MYOM1: variants seen among roughly 807,000 people sequenced by gnomAD.
MYOM1 encodes the protein myomesin-1.
A neutral mutation model predicts 205.3 loss-of-function variants in MYOM1; 164 were observed. That is an observed-to-expected ratio of 0.80 (90% CI 0.70 to 0.91). The LOEUF (loss-of-function observed/expected upper bound fraction) is 0.91. Ranked by LOEUF, MYOM1 falls within the 40% of genes least tolerant of loss-of-function variation. The pLI, the probability that MYOM1 is intolerant of heterozygous loss-of-function variation, is 0.00. For missense variants in MYOM1, 2,011 were observed against 2,127.3 expected (o/e 0.95, Z 1.08); for synonymous variants, 772 against 789.4 (o/e 0.98, Z 0.37).
chr18:3,187,726 A>G, intron 4 of MYOM1, 89 bp from the exon 5 acceptor site: 3 of 1,284,300 alleles, frequency 2.3e-6, no homozygotes, highest in African/African-American at 1.5e-5. Flanking sequence ...GTAGAAGGCA[A>G]AAGTTTTATT....
At chr18:3,132,304 C>A (rs2079890109) in intron 16 of MYOM1, among the ~76,000 whole-genome samples, 1 of 151,798 alleles carries the variant, frequency 6.6e-6, no homozygotes, top group South Asian at 2.1e-4. Context: ...GCACCCACCA[C>A]CACGCCTGGC....
At chr18:3,073,127 A>G (rs1167749467) in intron 36 of MYOM1, among the ~76,000 whole-genome samples, 1 of 152,058 alleles carries the variant, frequency 6.6e-6, no homozygotes, top group Admixed American at 6.6e-5. Context: ...GCTTTCCTTG[A>G]AGCCTTCTCT....
intron 29 of MYOM1, among the ~76,000 whole-genome samples, chr18:3,088,219 A>AG (rs1189905118): frequency 6.6e-6 from 1 of 152,126 alleles, no homozygotes; most frequent in Non-Finnish European, 1.5e-5. Flanking sequence ...GCAGAAGGCG[A>AG]GGGATGTGTG....
chr18:3,149,344 A>C, intron 12 of MYOM1, 143 bp from the exon 13 acceptor site: 1 of 636,502 alleles, frequency 1.6e-6, no homozygotes, highest in Admixed American at 2.8e-5. Context: ...GAATGGTATC[A>C]ATCATGTAGA....
intron 3 of MYOM1, among the ~76,000 whole-genome samples, chr18:3,190,029 ACTAAG>A (rs948989487): frequency 1.3e-5 from 2 of 152,206 alleles, no homozygotes; most frequent in Admixed American, 1.3e-4. Flanking sequence ...TATACTATAT[ACTAAG>A]AAATTATCAA....
rs906851130 is a variant in MYOM1, at chr18:3,189,692, G to A, written c.432-605C>T. On this transcript the variant is annotated intron_variant, in intron 3 of 37. Transcript: ENST00000356443. The surrounding 1 kb of genome is among the most constrained non-coding windows in gnomAD (Gnocchi z 4.8). ...ATTATTATTTCTGTTTTAAATATAT[G>A]GTAACGAAGTTCAGATAAGTTAGAT... 1.3e-5 allele frequency among the ~76,000 whole-genome samples: 2 copies of A among 152,126 alleles called. No individual in the cohort carries two copies. Among genetic ancestry groups the A allele is most frequent in the African/African-American group, 2.4e-5 (1 of 41,412 alleles).
chr18:3,214,897 C>T, intron 2 of MYOM1, 37 bp downstream of exon 2: 3 of 1,539,070 alleles, frequency 1.9e-6, no homozygotes, highest in Admixed American at 2.0e-5. Flanking sequence ...ACGCCTCTTC[C>T]TGAGGTTGGA....
intron 22 of MYOM1, among the ~76,000 whole-genome samples, chr18:3,107,847 A>G (rs536289473): frequency 1.9e-4 from 29 of 152,334 alleles, no homozygotes; most frequent in African/African-American, 6.3e-4. Flanking sequence ...AGCAAGAATG[A>G]TAATAGTCCT....
At position 3,135,462 on chromosome 18, in the gene MYOM1, A is replaced by G. The variant is rs2079942545; in HGVS notation, c.2209+85T>C. On this transcript the variant is annotated intron_variant, in intron 15 of 37. Transcript: ENST00000356443. This position sits in a 1 kb window ranked among gnomAD's most constrained non-coding sequence, Gnocchi z 4.1. ...TATAATATGAAAGAAGGATGTCACC[A>G]TTTTTACTCCTGGCCAAATATACAT... 2 of 1,263,562 alleles carry G rather than the reference A, an allele frequency of 1.6e-6. No individual in the cohort carries two copies. The highest frequency in any genetic ancestry group is 1.5e-5 in the African/African-American group (1 of 66,606). 78.3% of individuals were successfully genotyped at this position (1,263,562 alleles called of 1,614,324 possible).
chr18:3,187,857 C>CTTTTTTT (rs763218658), intron 4 of MYOM1, among the ~76,000 whole-genome samples: 53 of 124,152 alleles, frequency 4.3e-4, no homozygotes, highest in Middle Eastern at 4.3e-3. Context: ...ATTTCTTTTT[C>CTTTTTTT]TTTTTTTTTT....
the MYOM1 span, among the ~76,000 whole-genome samples, chr18:3,240,987 G>C: frequency 1.3e-5 from 2 of 152,100 alleles, no homozygotes; most frequent in African/African-American, 4.8e-5. Flanking sequence ...GATGATTTAG[G>C]GTATCTGGCA....
intron 25 of MYOM1, among the ~76,000 whole-genome samples, chr18:3,098,719 C>G (rs2079338309): frequency 6.6e-6 from 1 of 152,208 alleles, no homozygotes; most frequent in African/African-American, 2.4e-5. Flanking sequence ...AGAGTCCAGT[C>G]CAAACACTTT....
intron 12 of MYOM1, among the ~76,000 whole-genome samples, 163 bp downstream of exon 12, chr18:3,151,531 T>C (rs2080222084): frequency 6.6e-6 from 1 of 150,952 alleles, no homozygotes; most frequent in Non-Finnish European, 1.5e-5. Context: ...GCTAAGGCAA[T>C]GTTTGCGAAG....
chr18:3,215,386 T>A (rs1373725266), intron 1 of MYOM1, 135 bp from the exon 2 acceptor site: 1 of 739,428 alleles, frequency 1.4e-6, no homozygotes, highest in Non-Finnish European at 2.1e-6. Flanking sequence ...AACGAGGATC[T>A]CTCGAGGCCG....
Position 3,141,928 on chromosome 18 carries a change from T to C in MYOM1, c.2025+11A>G. ...AGGTAGTATGAGGTCATGTTGATTC[T>C]AGAGTCTTACCTTTTCCACAAAGTA... On this transcript the variant is annotated intron_variant, in intron 14 of 37. Transcript: ENST00000356443. The C allele has an allele frequency of 1.9e-6, 3 of 1,613,560 alleles. No homozygotes were observed. The highest frequency in any genetic ancestry group is 2.5e-6 in the Non-Finnish European group (3 of 1,179,640).
At chr18:3,086,837 G>C (rs1033399705) in intron 29 of MYOM1, among the ~76,000 whole-genome samples, 2 of 152,062 alleles carry the variant, frequency 1.3e-5, no homozygotes, top group African/African-American at 4.8e-5. Flanking sequence ...AAAAAGTAAA[G>C]ACTTCCTACA....
At chr18:3,195,948 T>C (rs1241060421) in intron 2 of MYOM1, among the ~76,000 whole-genome samples, 2 of 152,208 alleles carry the variant, frequency 1.3e-5, no homozygotes, top group Non-Finnish European at 2.9e-5. Flanking sequence ...CACTTCATAT[T>C]TCATTTGGAA....
upstream of MYOM1, among the ~76,000 whole-genome samples, chr18:3,220,921 G>GT (rs1161626309): frequency 3.3e-5 from 5 of 152,204 alleles, no homozygotes; most frequent in East Asian, 9.6e-4. Flanking sequence ...AAAGCTCATT[G>GT]TTAGATTACA....
chr18:3,172,938 T>C (rs747968544), intron 8 of MYOM1, among the ~76,000 whole-genome samples: 2 of 152,194 alleles, frequency 1.3e-5, no homozygotes, highest in African/African-American at 2.4e-5. Flanking sequence ...CAACTTGGGA[T>C]ATTAAACGAG....
Sources: gnomAD v4.1 joint callset for allele counts (sites outside exome capture counted in the v4.1 genomes callset) on GRCh38, gnomAD v4.1.1 for gene constraint, Gnocchi (gnomAD v3.1) non-coding constraint, MANE v1.5 for transcripts, NCBI Gene and HGNC (gene_info 2026-07-23, HGNC 2026-07-21) for gene names.